CHSY3: variants seen among roughly 807,000 people sequenced by gnomAD.
CHSY3 encodes the protein N-acetylgalactosaminyl-proteoglycan 3-beta-glucuronosyltransferase 3.
In CHSY3, 35 loss-of-function variants were observed where a neutral mutation model predicts 67.2. The observed-to-expected ratio is 0.52, with a 90% CI of 0.40 to 0.69. The LOEUF (loss-of-function observed/expected upper bound fraction) is 0.69, where lower values mean the gene tolerates loss of function less well. Ranked by LOEUF, CHSY3 falls within the 30% of genes least tolerant of loss-of-function variation. The pLI is 0.00. For synonymous variants in CHSY3, 474 were observed against 434.7 expected, an observed-to-expected ratio of 1.09 and a Z score of -1.12; for missense variants, 1,069 against 1,138.5, an observed-to-expected ratio of 0.94 and a Z score of 0.88.
At chr5:129,987,718 G>T (rs1478953066) in intron 2 of CHSY3, among the ~76,000 whole-genome samples, 4 of 152,090 alleles carry the variant, frequency 2.6e-5, no homozygotes, top group African/African-American at 9.7e-5. Flanking sequence ...GCATATTTCT[G>T]TCTTGTATTA....
At chr5:129,912,971 C>A (rs1053162695) in intron 2 of CHSY3, among the ~76,000 whole-genome samples, 4 of 152,216 alleles carry the variant, frequency 2.6e-5, no homozygotes, top group Non-Finnish European at 4.4e-5. Flanking sequence ...AGCATGCATT[C>A]TATTCTATTC....
chr5:129,917,994 T>C (rs1760787367), intron 2 of CHSY3, among the ~76,000 whole-genome samples: 1 of 152,212 alleles, frequency 6.6e-6, no homozygotes, highest in South Asian at 2.1e-4. Context: ...AAACTAACTA[T>C]TTGTTAAAAG....
intron 2 of CHSY3, among the ~76,000 whole-genome samples, chr5:129,909,654 TA>T (rs1342950851): frequency 6.6e-6 from 1 of 152,014 alleles, no homozygotes; most frequent in African/African-American, 2.4e-5. Flanking sequence ...AAAATTTATG[TA>T]AAAACATTAC....
intron 2 of CHSY3, among the ~76,000 whole-genome samples, chr5:130,081,613 A>G (rs779347180): frequency 4.2e-4 from 64 of 152,000 alleles, no homozygotes; most frequent in Admixed American, 7.9e-4. Flanking sequence ...GGTGAGAGGT[A>G]ATTGAATCAT....
At chr5:130,034,741 T>C (rs1186233348) in intron 2 of CHSY3, among the ~76,000 whole-genome samples, 1 of 152,132 alleles carries the variant, frequency 6.6e-6, no homozygotes, top group Non-Finnish European at 1.5e-5. Context: ...ACTGATGTGA[T>C]GGGAGAAGAC....
chr5:129,990,249 G>A (rs1028538427), intron 2 of CHSY3, among the ~76,000 whole-genome samples: 2 of 151,994 alleles, frequency 1.3e-5, no homozygotes, highest in Non-Finnish European at 2.9e-5. Context: ...CAAGGGATAG[G>A]ATTAGAAAAT....
chr5:130,014,652 T>G (rs1764163288), intron 2 of CHSY3, among the ~76,000 whole-genome samples: 1 of 152,176 alleles, frequency 6.6e-6, no homozygotes. Flanking sequence ...CAATTCAAGA[T>G]GAGATTTGGG....
chr5:130,027,611 T>C (rs1764583871), intron 2 of CHSY3, among the ~76,000 whole-genome samples: 1 of 151,346 alleles, frequency 6.6e-6, no homozygotes, highest in Admixed American at 6.6e-5. Context: ...CCTAATGTTT[T>C]CCCTCCCCCC....
intron 2 of CHSY3, among the ~76,000 whole-genome samples, chr5:130,081,839 C>T (rs185690820): frequency 1.6e-4 from 24 of 152,156 alleles, no homozygotes; most frequent in African/African-American, 5.5e-4. Flanking sequence ...TACCCACTCT[C>T]GGATGTTTCT....
At chr5:130,016,910 G>T (rs1764234532) in intron 2 of CHSY3, among the ~76,000 whole-genome samples, 1 of 152,156 alleles carries the variant, frequency 6.6e-6, no homozygotes, top group East Asian at 1.9e-4. Context: ...GGAAGGTACT[G>T]CTAGAGAGAG....
intron 2 of CHSY3, among the ~76,000 whole-genome samples, chr5:130,169,144 C>T (rs996000812): frequency 6.6e-6 from 1 of 152,026 alleles, no homozygotes; most frequent in African/African-American, 2.4e-5. Flanking sequence ...AATTAGATTT[C>T]ACTAACCTTC....
chr5:130,143,756 A>ATATATG lies in CHSY3; in HGVS notation c.1087-40472_1087-40471insATATGT, dbSNP rs1433405052. The stretch of plus-strand genomic sequence containing the variant: ...TGTGTATATATATATATATATATAT[A>ATATATG]TGTGTGTGTGTGTATATATATATAT... On this transcript the variant is annotated intron_variant, in intron 2 of 2. Transcript: ENST00000305031. 2.7e-3 allele frequency among the ~76,000 whole-genome samples: 273 copies of ATATATG among 101,914 alleles called. 3 individuals are homozygous for ATATATG. Among genetic ancestry groups the ATATATG allele is most frequent in the African/African-American group, 7.0e-3 (147 of 20,978 alleles). 66.9% of individuals were successfully genotyped at this position (101,914 alleles called of 152,430 possible).
At chr5:130,172,893 T>A (rs1447188497) in intron 2 of CHSY3, among the ~76,000 whole-genome samples, 1 of 152,196 alleles carries the variant, frequency 6.6e-6, no homozygotes, top group Non-Finnish European at 1.5e-5. Flanking sequence ...TAGTATAATG[T>A]CCTCAAGTTT....
At chr5:130,055,051 A>T (rs1166609985) in intron 2 of CHSY3, among the ~76,000 whole-genome samples, 3 of 152,128 alleles carry the variant, frequency 2.0e-5, no homozygotes, top group African/African-American at 7.2e-5. Flanking sequence ...ATCTTGTATC[A>T]CTACTCTTCA....
chr5:130,118,471 C>A (rs1767894520), intron 2 of CHSY3, among the ~76,000 whole-genome samples: 1 of 150,366 alleles, frequency 6.7e-6, no homozygotes, highest in Non-Finnish European at 1.5e-5. Flanking sequence ...TATACACATA[C>A]ATATATATAA....
In CHSY3 at chr5:130,047,326, C is replaced by G. The variant is rs142406070; in HGVS notation, c.1087-136903C>G. The stretch of plus-strand genomic sequence containing the variant: ...GAAATGGCTCATTCATCCAACAAAC[C>G]TTTCTTTTTCACCTACTGTATACAA... On this transcript the variant is annotated intron_variant, in intron 2 of 2. Transcript: ENST00000305031. Among the ~76,000 whole-genome samples, 578 of 152,066 alleles carry G rather than the reference C, an allele frequency of 3.8e-3. 7 individuals carry two copies. Among genetic ancestry groups the G allele is most frequent in the Middle Eastern group, 0.014 (4 of 294 alleles).
At chr5:129,917,795 CTT>C (rs1161242673) in intron 2 of CHSY3, among the ~76,000 whole-genome samples, 8 of 152,126 alleles carry the variant, frequency 5.3e-5, no homozygotes, top group African/African-American at 1.7e-4. Context: ...TTTCAATGGA[CTT>C]TGAAAAAATT....
chr5:129,984,443 G>C (rs1763113073), intron 2 of CHSY3, among the ~76,000 whole-genome samples: 1 of 152,078 alleles, frequency 6.6e-6, no homozygotes, highest in Admixed American at 6.6e-5. Context: ...TGGCCATATA[G>C]GTTGATTCCA....
At chr5:129,949,315 G>A (rs985409811) in intron 2 of CHSY3, among the ~76,000 whole-genome samples, 4 of 151,872 alleles carry the variant, frequency 2.6e-5, no homozygotes, top group African/African-American at 9.7e-5. Context: ...AAGAAACTAT[G>A]AACAATTATA....
Sources: gnomAD v4.1 joint callset for allele counts (sites outside exome capture counted in the v4.1 genomes callset) on GRCh38, gnomAD v4.1.1 for gene constraint, MANE v1.5 for transcripts, NCBI Gene and HGNC (gene_info 2026-07-23, HGNC 2026-07-21) for gene names.